The following STARD8 variants were observed in gnomAD, a reference collection of about 807,000 sequenced individuals.
STARD8 encodes StAR related lipid transfer domain containing 8.
Under a neutral mutation model 69.4 loss-of-function variants are expected in STARD8, and 25 were observed. The observed-to-expected ratio is 0.36, with a 90% CI of 0.26 to 0.50. STARD8 has a LOEUF of 0.50. STARD8 is among the 20% of genes least tolerant of loss of function. The pLI is 0.96. For synonymous variants in STARD8, 389 were observed against 374.6 expected (o/e 1.04, Z -0.45); for missense variants, 921 against 932.5 (o/e 0.99, Z 0.16).
intron 2 of STARD8, among the ~76,000 whole-genome samples, chrX:68,708,415 G>T (rs1446420975): frequency 8.9e-6 from 1 of 112,638 alleles, no homozygotes; most frequent in Non-Finnish European, 1.9e-5. Flanking sequence ...TTTCCTGGTT[G>T]CATCCTTCTC....
chrX:68,667,028 T>A (rs760507333), intron 2 of STARD8, among the ~76,000 whole-genome samples: 1 of 111,964 alleles, frequency 8.9e-6, no homozygotes, highest in Non-Finnish European at 1.9e-5. Flanking sequence ...TCTGGGAGGG[T>A]GGCTTCCAGA....
chrX:68,690,521 C>G (rs560470417), intron 2 of STARD8, among the ~76,000 whole-genome samples: 1 of 111,017 alleles, frequency 9.0e-6, no homozygotes, highest in Middle Eastern at 4.6e-3. Flanking sequence ...GTATATGGAA[C>G]TGCTCTTTGC....
chrX:68,659,151 C>T (rs995965846), intron 1 of STARD8, among the ~76,000 whole-genome samples: 17 of 112,292 alleles, frequency 1.5e-4, no homozygotes, highest in African/African-American at 5.5e-4. Context: ...TTCCCCACTT[C>T]ATAATTGATT....
At chrX:68,649,621 A>C (rs986998932) in intron 1 of STARD8, among the ~76,000 whole-genome samples, 1 of 111,520 alleles carries the variant, frequency 9.0e-6, no homozygotes, top group Non-Finnish European at 1.9e-5. Flanking sequence ...CTCCTACAAA[A>C]TATGAGTGAG....
chrX:68,710,593 C>T (rs1253643681), intron 2 of STARD8, among the ~76,000 whole-genome samples: 1 of 112,079 alleles, frequency 8.9e-6, no homozygotes, highest in Non-Finnish European at 1.9e-5. Flanking sequence ...CCCCTTCTGC[C>T]AACCCCCAGC....
At chrX:68,683,324 A>G (rs1305613339) in intron 2 of STARD8, among the ~76,000 whole-genome samples, 3 of 112,564 alleles carry the variant, frequency 2.7e-5, no homozygotes, top group Non-Finnish European at 5.6e-5. Flanking sequence ...TAACCTCTCT[A>G]TGCTACAGTT....
At chrX:68,656,005 A>G (rs2079608659) in intron 1 of STARD8, 1 of 112,082 alleles carries the variant, frequency 8.9e-6, no homozygotes, top group Non-Finnish European at 1.9e-5. Flanking sequence ...TCATAGATCC[A>G]AGGGACTTGT....
intron 4 of STARD8, 44 bp from the exon 5 acceptor site, chrX:68,716,324 T>C (rs2080090624): frequency 8.5e-7 from 1 of 1,181,521 alleles, no homozygotes; most frequent in East Asian, 3.0e-5. Context: ...CTGCCAGGCT[T>C]TGGGGATGGG....
chrX:68,673,514 G>A (rs1379244172), intron 2 of STARD8, among the ~76,000 whole-genome samples: 1 of 111,727 alleles, frequency 9.0e-6, no homozygotes, highest in Admixed American at 9.5e-5. Context: ...ACTGTTGCTA[G>A]AAGGGCAATG....
In STARD8 at chrX:68,722,451, C is replaced by T. The variant is rs1444361440; in HGVS notation, c.2604C>T (p.Cys868=). ...QVPQDMVLQL[C]SSYSAAELSP... is the part of the protein sequence containing the mutation. ...CCCAGGACATGGTGCTGCAGCTGTG[C>T]AGCTCCTACAGCGCAGCTGAGCTCA... is the stretch of plus-strand genomic sequence containing the variant. Residue 868 remains cysteine, a synonymous_variant, in exon 12 of 15, where the codon TGC becomes TGT. Coordinates refer to ENST00000374599, the MANE Select transcript of STARD8 (RefSeq NM_001142503.3). 8.3e-6 allele frequency: 10 copies of T among 1,205,805 alleles called. No individual in the cohort carries two copies. Among genetic ancestry groups the T allele is most frequent in the Middle Eastern group, 2.5e-4 (1 of 3,962 alleles).
At chrX:68,669,752 C>G (rs920831410) in intron 2 of STARD8, among the ~76,000 whole-genome samples, 1 of 112,333 alleles carries the variant, frequency 8.9e-6, no homozygotes, top group African/African-American at 3.2e-5. Context: ...GACCCCTCCC[C>G]CAAGCTCTGA....
In STARD8 at chrX:68,700,761, G is replaced by A. The variant is rs867481490; in HGVS notation, c.80-12153G>A. Among the ~76,000 whole-genome samples the A allele has an allele frequency of 3.6e-5, 4 of 111,730 alleles. No individual in the cohort carries two copies. In the South Asian group the frequency reaches 1.5e-3, roughly 42 times the overall value. ...AAAACAGAGAGGGGAATGTGGAAAA[G>A]GGGTCAGAGTGGAGCAGAAGTAAAA... On this transcript the variant is annotated intron_variant, in intron 2 of 14. Transcript: ENST00000374599.
At chrX:68,648,024 G>A in intron 1 of STARD8, 97 bp downstream of exon 1, 1 of 1,035,305 alleles carries the variant, frequency 9.7e-7, no homozygotes, top group Non-Finnish European at 1.3e-6. Context: ...GACCAGACGG[G>A]CTTCTGAGAC....
chrX:68,720,541 G>A, intron 8 of STARD8, 118 bp downstream of exon 8: 2 of 916,508 alleles, frequency 2.2e-6, no homozygotes, highest in Non-Finnish European at 2.9e-6. Flanking sequence ...CCCTCACTTG[G>A]GCTGGTCCAC....
intron 11 of STARD8, 109 bp from the exon 12 acceptor site, chrX:68,722,313 C>T (rs766211489): frequency 1.9e-4 from 159 of 859,169 alleles, no homozygotes; most frequent in Non-Finnish European, 2.4e-4. Context: ...TTCTCATCTA[C>T]CTTGCTGTGG....
intron 12 of STARD8, among the ~76,000 whole-genome samples, chrX:68,723,076 A>T (rs1381614071): frequency 3.6e-5 from 4 of 112,385 alleles, no homozygotes; most frequent in African/African-American, 1.3e-4. Flanking sequence ...ACCTTCTGTC[A>T]TGCCCCAGGA....
At chrX:68,652,686 AACACACACCAC>A (rs1445370115) in intron 1 of STARD8, among the ~76,000 whole-genome samples, 1 of 98,805 alleles carries the variant, frequency 1.0e-5, no homozygotes. Context: ...ACACACATGA[AACACACACCAC>A]ACACACACCA....
intron 6 of STARD8, among the ~76,000 whole-genome samples, 187 bp downstream of exon 6, chrX:68,718,816 G>T (rs2080121590): frequency 8.9e-6 from 1 of 111,748 alleles, no homozygotes; most frequent in African/African-American, 3.3e-5. Flanking sequence ...ACCTGCCTGT[G>T]CTGTGGCCTT....
At chrX:68,715,859 C>T (rs1416662955) in intron 4 of STARD8, among the ~76,000 whole-genome samples, 4 of 112,250 alleles carry the variant, frequency 3.6e-5, no homozygotes, top group Admixed American at 2.8e-4. Context: ...GTGTCACTGC[C>T]TAAGGATAAA....
Sources: allele counts gnomAD v4.1 joint callset (sites outside exome capture counted in the v4.1 genomes callset), GRCh38; gene constraint gnomAD v4.1.1; transcripts MANE v1.5; gene names NCBI Gene and HGNC (gene_info 2026-07-23, HGNC 2026-07-21).